Variants in GTF2B observed in about 807,000 individuals in gnomAD.
GTF2B encodes the protein general transcription factor IIB, also known as transcription initiation factor IIB.
A neutral mutation model predicts 34.6 loss-of-function variants in GTF2B; 20 were observed. The ratio of observed to expected loss-of-function variants is 0.58; its 90% CI spans 0.41 to 0.84. The LOEUF (loss-of-function observed/expected upper bound fraction) is 0.84. Among genes scored for constraint, GTF2B ranks in the 40% least tolerant of loss-of-function variants. The pLI, the probability that GTF2B is intolerant of heterozygous loss-of-function variation, is 0.00. For missense variants in GTF2B, 237 were observed against 393.3 expected (o/e 0.60, Z 3.36); for synonymous variants, 142 against 132.4 (o/e 1.07, Z -0.50).
At chr1:88,863,894 C>T (rs891176966) in intron 3 of GTF2B, 87 bp downstream of exon 3, 6 of 1,115,090 alleles carry the variant, frequency 5.4e-6, no homozygotes, top group Admixed American at 3.5e-5. Context: ...CCCACTGGTG[C>T]AGTGACTGAT....
At chr1:88,872,799 T>C (rs1221821734) in intron 2 of GTF2B, among the ~76,000 whole-genome samples, 1 of 152,122 alleles carries the variant, frequency 6.6e-6, no homozygotes, top group East Asian at 1.9e-4. Flanking sequence ...TAAAAACCAG[T>C]TTTATTGTGT....
chr1:88,875,361 C>A (rs563673744), intron 2 of GTF2B, among the ~76,000 whole-genome samples: 1 of 152,278 alleles, frequency 6.6e-6, no homozygotes, highest in African/African-American at 2.4e-5. Context: ...GTAAAGAAAA[C>A]TGTTCAAGGT....
chr1:88,869,814 G>T (rs563906150), intron 2 of GTF2B, among the ~76,000 whole-genome samples: 1 of 151,602 alleles, frequency 6.6e-6, no homozygotes, highest in Non-Finnish European at 1.5e-5. Context: ...TTTAGTAGAC[G>T]GGGTTTCACC....
intron 2 of GTF2B, among the ~76,000 whole-genome samples, chr1:88,867,202 A>T (rs1673581574): frequency 1.3e-5 from 2 of 152,182 alleles, no homozygotes; most frequent in Admixed American, 1.3e-4. Flanking sequence ...TTAGAAAAAA[A>T]TTACCTGCAT....
At chr1:88,866,766 T>C (rs375452980) in intron 2 of GTF2B, among the ~76,000 whole-genome samples, 19 of 152,226 alleles carry the variant, frequency 1.2e-4, no homozygotes, top group African/African-American at 4.6e-4. Context: ...TCAGTTGGAC[T>C]ACCATGTGTC....
At chr1:88,868,845 A>C (rs12407036) in intron 2 of GTF2B, among the ~76,000 whole-genome samples, 20,639 of 151,610 alleles carry the variant, frequency 0.14, 3,224 homozygotes, top group African/African-American at 0.38. Flanking sequence ...ATGCCATTCT[A>C]CTGCCTCAGC....
At chr1:88,863,702 AAGGCC>A in intron 3 of GTF2B, among the ~76,000 whole-genome samples, 1 of 152,308 alleles carries the variant, frequency 6.6e-6, no homozygotes, top group East Asian at 1.9e-4. Context: ...TTAACTCATG[AAGGCC>A]ACACTACACT....
intron 2 of GTF2B, among the ~76,000 whole-genome samples, chr1:88,866,228 G>A (rs532875225): frequency 1.5e-4 from 23 of 152,074 alleles, no homozygotes; most frequent in South Asian, 2.1e-4. Context: ...TTAGCTGGGC[G>A]TGGTGGCATG....
In GTF2B at chr1:88,884,023, C is replaced by CTTT. The variant is rs56745053; in HGVS notation, c.124+3235_124+3237dup. ...GTTCTTCTGTCAAGCTCAGCACTGA[C>CTTT]TTTTTTTTTTTTTTTTTTTTTTGAG... On this transcript the variant is annotated intron_variant, in intron 2 of 6. Coordinates refer to ENST00000370500, the MANE Select transcript of GTF2B (RefSeq NM_001514.6). Among the ~76,000 whole-genome samples, 91 of 111,198 alleles carry CTTT rather than the reference C, an allele frequency of 8.2e-4. 4 individuals are homozygous for CTTT. The highest frequency in any genetic ancestry group is 3.0e-3 in the African/African-American group (84 of 27,942). 73.0% of individuals were successfully genotyped at this position (111,198 alleles called of 152,430 possible).
intron 2 of GTF2B, among the ~76,000 whole-genome samples, chr1:88,870,048 C>T (rs1673653226): frequency 6.6e-6 from 1 of 151,890 alleles, no homozygotes; most frequent in Admixed American, 6.6e-5. Flanking sequence ...CTGCCTCAGC[C>T]TCCCGAGTAG....
intron 6 of GTF2B, 32 bp from the exon 7 acceptor site, chr1:88,853,378 A>G (rs1673233878): frequency 6.3e-7 from 1 of 1,596,468 alleles, no homozygotes; most frequent in Non-Finnish European, 8.6e-7. Flanking sequence ...ATTAACCATC[A>G]TTTCCATCCT....
At chr1:88,856,295 A>C (rs889687357) in intron 6 of GTF2B, among the ~76,000 whole-genome samples, 1 of 149,484 alleles carries the variant, frequency 6.7e-6, no homozygotes, top group Non-Finnish European at 1.5e-5. Context: ...AAAAAACAAA[A>C]AAAAAAAAGG....
chr1:88,884,023 C>CT (rs56745053), intron 2 of GTF2B, among the ~76,000 whole-genome samples: 3,966 of 111,182 alleles, frequency 0.036, 278 homozygotes, highest in African/African-American at 0.11. Flanking sequence ...TCAGCACTGA[C>CT]TTTTTTTTTT....
intron 6 of GTF2B, 116 bp downstream of exon 6, chr1:88,857,090 C>G (rs568023106): frequency 3.2e-6 from 3 of 924,362 alleles, no homozygotes; most frequent in African/African-American, 1.6e-5. Context: ...TGTGAGCCCC[C>G]GCGCCTGGTC....
At chr1:88,880,567 T>C (rs1407923198) in intron 2 of GTF2B, among the ~76,000 whole-genome samples, 1 of 152,234 alleles carries the variant, frequency 6.6e-6, no homozygotes, top group Non-Finnish European at 1.5e-5. Context: ...CTGGAGGCAC[T>C]GACTCCAGAG....
intron 2 of GTF2B, among the ~76,000 whole-genome samples, chr1:88,879,153 T>G (rs533508714): frequency 7.0e-4 from 107 of 152,198 alleles, no homozygotes; most frequent in African/African-American, 2.0e-3. Context: ...TGGTGGTGGG[T>G]GGGCCTCAAG....
chr1:88,860,933 CCA>C (rs2100964690), intron 3 of GTF2B, among the ~76,000 whole-genome samples: 1 of 152,138 alleles, frequency 6.6e-6, no homozygotes, highest in East Asian at 1.9e-4. Flanking sequence ...GAAAAACTAG[CCA>C]ATAGTATTAA....
intron 2 of GTF2B, among the ~76,000 whole-genome samples, chr1:88,867,798 AT>A (rs993710851): frequency 1.1e-4 from 16 of 148,740 alleles, no homozygotes; most frequent in Admixed American, 6.0e-4. Context: ...TGGATTTTTT[AT>A]TTTTTTTAAA....
chr1:88,872,509 G>C (rs868737201), intron 2 of GTF2B, among the ~76,000 whole-genome samples: 1 of 144,080 alleles, frequency 6.9e-6, no homozygotes, highest in Non-Finnish European at 1.5e-5. Context: ...CTGGTTGGTT[G>C]CAAGTCTCTA....
Sources: allele counts gnomAD v4.1 joint callset (sites outside exome capture counted in the v4.1 genomes callset), GRCh38; gene constraint gnomAD v4.1.1; transcripts MANE v1.5; gene names NCBI Gene and HGNC (gene_info 2026-07-23, HGNC 2026-07-21).